SLC19A3: variants seen among roughly 807,000 people sequenced by gnomAD.
The protein encoded by SLC19A3 is thiamine transporter 2.
In SLC19A3, 31 loss-of-function variants were observed where a neutral mutation model predicts 40.2. The observed-to-expected ratio is 0.77, with a 90% CI of 0.58 to 1.04. SLC19A3 has a LOEUF of 1.04. Among genes scored for constraint, SLC19A3 ranks in the 50% least tolerant of loss-of-function variants. The probability of loss-of-function intolerance (pLI) is 0.00; values close to 1 mark genes in which losing one functional copy is unlikely to be tolerated. For missense variants in SLC19A3, 592 were observed against 596.7 expected, an observed-to-expected ratio of 0.99 and a Z score of 0.08; for synonymous variants, 212 against 227.5, an observed-to-expected ratio of 0.93 and a Z score of 0.61.
rs188542842 is a variant in SLC19A3 at position 227,715,143 on chromosome 2, G to A, written c.-3+2800C>T. 1.8e-4 allele frequency among the ~76,000 whole-genome samples: 27 copies of A among 151,904 alleles called. No individual in the cohort carries two copies. The East Asian group carries it at 3.5e-3, about 20-fold the overall frequency. ...CCTTGCCCTGACTATTCTTACTAAA[G>A]TCACCTAATTTAGCTTCTATAGAAT... On this transcript the variant is annotated intron_variant, in intron 1 of 5. Transcript: ENST00000644224.
intron 4 of SLC19A3, chr2:227,695,438 A>G (rs1695387055): frequency 5.3e-6 from 1 of 187,114 alleles, no homozygotes; most frequent in African/African-American, 2.4e-5. Context: ...CCCCATCTCT[A>G]CAAAATACGA....
Position 227,699,046 on chromosome 2 carries a change from A to C in SLC19A3, c.669T>G (p.Gly223=), listed in dbSNP as rs780039887. 1 of 1,614,018 alleles carries C rather than the reference A, an allele frequency of 6.2e-7. No homozygotes were observed. Residue 223 remains glycine (G), a synonymous_variant, in exon 3 of 6, where the codon GGT becomes GGG. Transcript: ENST00000644224. The part of the protein sequence containing the change: ...VNPVLEETHE[G]EAPGCEEQKP... ...TCTGCTCTTCACAGCCTGGTGCTTC[A>C]CCTTCGTGAGTTTCCTCTAATACTG...
chr2:227,695,633 C>A (rs1695396197), intron 4 of SLC19A3: 1 of 469,688 alleles, frequency 2.1e-6, no homozygotes, highest in South Asian at 2.3e-5. Flanking sequence ...AAAAGAAAAA[C>A]CTGACAATGT....
intron 2 of SLC19A3, chr2:227,701,572 A>C (rs970164647): frequency 6.4e-6 from 1 of 156,422 alleles, no homozygotes; most frequent in African/African-American, 2.4e-5. Flanking sequence ...CAGTGAGCCA[A>C]AATCACCCCG....
Position 227,696,072 on chromosome 2 carries a change from G to A in SLC19A3, c.989C>T (p.Ala330Val), listed in dbSNP as rs1211013989. 1.3e-6 allele frequency: 2 copies of A among 1,547,076 alleles called. No individual in the cohort carries two copies. The highest frequency in any genetic ancestry group is 1.7e-6 in the Non-Finnish European group (2 of 1,151,272). Residue 330 changes from alanine to valine, a missense_variant, in exon 4 of 6, where the codon GCT becomes GTT. Ala to Val is a moderately conservative substitution (Grantham distance 64). Coordinates refer to ENST00000644224, the MANE Select transcript of SLC19A3 (RefSeq NM_025243.4). Reference protein sequence around the residue: ...EAIATFGGAVAAFAVGYVKVN... With the variant: ...EAIATFGGAVVAFAVGYVKVN... ...TTTCACATAACCCACTGCAAAGGCA[G>A]CCACAGCCCCTGAAAAAAAACATTG...
rs111236896 is a variant in SLC19A3 at position 227,685,087 on chromosome 2, G to A, written c.*2310C>T. Reference sequence around the variant, plus strand: ...ATGTTATTAGTTTTCTCCACTAAGTGAGTGCATTGATTCTTGGGCTGGATC... The same window carrying A: ...ATGTTATTAGTTTTCTCCACTAAGTAAGTGCATTGATTCTTGGGCTGGATC... On this transcript the variant is annotated 3_prime_UTR_variant, in exon 6 of 6. Coordinates refer to ENST00000644224, the MANE Select transcript of SLC19A3 (RefSeq NM_025243.4). The A allele has an allele frequency of 3.3e-5, 5 of 151,500 alleles. No homozygotes were observed. The highest frequency in any genetic ancestry group is 1.2e-4 in the African/African-American group (5 of 41,224). The allele number at this position is 151,500 out of a possible 1,614,324, so 9.4% of individuals were successfully genotyped here. A position where few individuals can be genotyped will look rare whatever the true frequency, so the allele number is the denominator to read the frequency against.
chr2:227,707,074 C>T (rs752549163), intron 1 of SLC19A3, among the ~76,000 whole-genome samples: 1 of 152,202 alleles, frequency 6.6e-6, no homozygotes, highest in Non-Finnish European at 1.5e-5. Flanking sequence ...CCCTGCTGCA[C>T]CTGCACGGCA....
intron 1 of SLC19A3, among the ~76,000 whole-genome samples, chr2:227,712,050 C>CAAAAA: frequency 1.5e-5 from 1 of 65,492 alleles, no homozygotes; most frequent in Non-Finnish European, 2.6e-5. Flanking sequence ...ACTCTGTCTC[C>CAAAAA]AAAAAAAAAA....
intron 4 of SLC19A3, among the ~76,000 whole-genome samples, chr2:227,693,242 C>A (rs1277521793): frequency 6.6e-6 from 1 of 152,018 alleles, no homozygotes. Flanking sequence ...ATAGTCAAAG[C>A]TATCCTAAGC....
At chr2:227,710,647 T>TC (rs948091110) in intron 1 of SLC19A3, among the ~76,000 whole-genome samples, 5 of 151,950 alleles carry the variant, frequency 3.3e-5, no homozygotes, top group Admixed American at 1.3e-4. Flanking sequence ...TTCAGCTCCT[T>TC]CCCCCCCAGT....
At position 227,703,724 on chromosome 2, in the gene SLC19A3, T is replaced by TTTTTACATTTTGTGATAGAATC. The variant is rs1695806162; in HGVS notation, c.-2-1405_-2-1404insGATTCTATCACAAAATGTAAAA. Among the ~76,000 whole-genome samples the TTTTTACATTTTGTGATAGAATC allele has an allele frequency of 6.6e-6, 1 of 152,174 alleles. No homozygotes were observed. The highest frequency in any genetic ancestry group is 1.5e-5 in the Non-Finnish European group (1 of 68,040). ...ATGGCTGTCCTGGACAGGTGATCAC[T>TTTTTACATTTTGTGATAGAATC]GAGGCTTGGTCATCTTCTGAAGAGT... On this transcript the variant is annotated intron_variant, in intron 1 of 5. Transcript: ENST00000644224. This position sits in a 1 kb window ranked among gnomAD's most constrained non-coding sequence, Gnocchi z 4.7.
At chr2:227,687,668 G>A (rs1287331648) in intron 5 of SLC19A3, 95 bp from the exon 6 acceptor site, 5 of 1,350,412 alleles carry the variant, frequency 3.7e-6, no homozygotes, top group Non-Finnish European at 5.1e-6. Context: ...GGATTATGGG[G>A]TAACTGAGAC....
intron 4 of SLC19A3, among the ~76,000 whole-genome samples, chr2:227,691,312 A>C (rs1695217947): frequency 6.6e-6 from 1 of 152,186 alleles, no homozygotes; most frequent in South Asian, 2.1e-4. Flanking sequence ...GCCTACATAA[A>C]AAAAAGAAGA....
chr2:227,706,107 T>C (rs781091740), intron 1 of SLC19A3, among the ~76,000 whole-genome samples: 21 of 152,050 alleles, frequency 1.4e-4, no homozygotes, highest in Non-Finnish European at 2.6e-4. Context: ...CTTATAAACA[T>C]AGTAACCACC....
Position 227,699,468 on chromosome 2 carries a change from T to C in SLC19A3, c.247A>G (p.Ile83Val). The part of the protein sequence containing the change: ...LTDYVRYKPV[I>V]ILQGISFIIT... The stretch of plus-strand genomic sequence containing the variant: ...ATGAAACTGATACCTTGCAAGATGA[T>C]GACTGGCTTGTAGCGGACATAATCG... Residue 83 changes from isoleucine to valine, a missense_variant, in exon 3 of 6, where the codon ATC becomes GTC. Transcript: ENST00000644224. 6.2e-7 allele frequency: 1 copy of C among 1,614,176 alleles called. No individual in the cohort carries two copies. Among genetic ancestry groups the C allele is most frequent in the East Asian group, 2.2e-5 (1 of 44,882 alleles).
In SLC19A3 at chr2:227,703,359, G is replaced by T. The variant is rs921312469; in HGVS notation, c.-2-1039C>A. ...TTACTAGGGGTTGGGGAGGTAGGAA[G>T]GACCTACTAGGTCACATCATTGCGG... On this transcript the variant is annotated intron_variant, in intron 1 of 5. Transcript: ENST00000644224. The surrounding 1 kb of genome is among the most constrained non-coding windows in gnomAD (Gnocchi z 4.7). Among the ~76,000 whole-genome samples, 1 of 152,126 alleles carries T rather than the reference G, an allele frequency of 6.6e-6. No individual in the cohort carries two copies.
chr2:227,691,798 G>T (rs1448525870), intron 4 of SLC19A3, among the ~76,000 whole-genome samples: 2 of 152,010 alleles, frequency 1.3e-5, no homozygotes, highest in African/African-American at 4.8e-5. Context: ...ACAAAAAGTT[G>T]GGTTTTAGAA....
Position 227,699,280 on chromosome 2 carries a change from G to A in SLC19A3, c.435C>T (p.Ser145=), listed in dbSNP as rs76517176. 7.6e-3 allele frequency: 12,294 copies of A among 1,613,926 alleles called. 759 individuals are homozygous for A. In the African/African-American group the frequency reaches 0.14, roughly 19 times the overall value. The change falls in exon 3 of 6, where the codon AGC becomes AGT. Residue 145 remains serine (S), a synonymous_variant. Coordinates refer to ENST00000644224, the MANE Select transcript of SLC19A3 (RefSeq NM_025243.4). ...HYQRVSGYCR[S]VTLAAYTAGS... is the part of the protein sequence containing the mutation. ...CTGCTGTGTAGGCGGCCAGCGTGAC[G>A]CTCCTGCAGTAGCCGCTCACTCTCT...
At position 227,714,805 on chromosome 2, in the gene SLC19A3, C is replaced by CTTTT. The variant is rs869073195; in HGVS notation, c.-3+3134_-3+3137dup. Among the ~76,000 whole-genome samples the CTTTT allele has an allele frequency of 9.3e-4, 74 of 79,912 alleles. 1 individual carries two copies. The highest frequency in any genetic ancestry group is 3.0e-3 in the East Asian group (7 of 2,312). 52.4% of individuals were successfully genotyped at this position (79,912 alleles called of 152,430 possible). A position where few individuals can be genotyped will look rare whatever the true frequency, so the allele number is the denominator to read the frequency against. On this transcript the variant is annotated intron_variant, in intron 1 of 5. Coordinates refer to ENST00000644224, the MANE Select transcript of SLC19A3 (RefSeq NM_025243.4). ...TGAATAACACCTTTCCCTGACTATT[C>CTTTT]TTTTTTTTTTTTTTTTTTTTTTTGA...
Sources: gnomAD v4.1 joint callset for allele counts (sites outside exome capture counted in the v4.1 genomes callset) on GRCh38, gnomAD v4.1.1 for gene constraint, Gnocchi (gnomAD v3.1) non-coding constraint, MANE v1.5 for transcripts, NCBI Gene and HGNC (gene_info 2026-07-23, HGNC 2026-07-21) for gene names.